Variants in SLC44A4 observed in about 807,000 individuals in gnomAD.
The protein encoded by SLC44A4 is solute carrier family 44 member 4.
In SLC44A4, 74 loss-of-function variants were observed where a neutral mutation model predicts 97.0. The observed-to-expected ratio is 0.76, with a 90% CI of 0.63 to 0.93. The LOEUF (loss-of-function observed/expected upper bound fraction) is 0.93, where lower values mean the gene tolerates loss of function less well. Among genes scored for constraint, SLC44A4 ranks in the 40% least tolerant of loss-of-function variants. The probability of loss-of-function intolerance (pLI) is 0.00; values close to 1 mark genes in which losing one functional copy is unlikely to be tolerated. For missense variants in SLC44A4, 799 were observed against 902.9 expected, an observed-to-expected ratio of 0.88 and a Z score of 1.48; for synonymous variants, 325 against 363.8, an observed-to-expected ratio of 0.89 and a Z score of 1.21.
chr6:31,867,722 TAAAAAAGAAAA>T (rs1309934341), intron 13 of SLC44A4, among the ~76,000 whole-genome samples: 2 of 147,016 alleles, frequency 1.4e-5, no homozygotes, highest in Admixed American at 6.8e-5. Flanking sequence ...TTTTTTTCAT[TAAAAAAGAAAA>T]AAAAAAGAAA....
Position 31,874,773 on chromosome 6 carries a change from A to G in SLC44A4, c.416T>C (p.Val139Ala). ...AAAGTTCCTGTTTTTTGTATAGAAG[A>G]CTTCCCCAACAGTCTGTGAGAACTC... is the stretch of plus-strand genomic sequence containing the variant. ...KNEFSQTVGE[V>A]FYTKNRNFCL... Residue 139 changes from valine (V) to alanine (A), a missense_variant, in exon 6 of 21, where the codon GTC (valine) becomes GCC (alanine). Val to Ala is a moderately conservative substitution (Grantham distance 64). This residue lies in a region of SLC44A4 where 409 missense variants were observed against 434.1 expected (regional missense o/e 0.94). Transcript: ENST00000229729. This position sits in a 1 kb window ranked among gnomAD's most constrained non-coding sequence, Gnocchi z 4.8. The G allele has an allele frequency of 6.2e-7, 1 of 1,613,926 alleles. No homozygotes were observed. Among genetic ancestry groups the G allele is most frequent in the East Asian group, 2.2e-5 (1 of 44,884 alleles).
At chr6:31,871,645 C>G in intron 7 of SLC44A4, 84 bp from the exon 8 acceptor site, 2 of 1,041,216 alleles carry the variant, frequency 1.9e-6, no homozygotes, top group Non-Finnish European at 3.0e-6. Context: ...CCACAGTGCC[C>G]TTAGGGGAGG....
chr6:31,874,576 GTC>G lies in SLC44A4; in HGVS notation c.469-58_469-57del. 1 of 1,590,540 alleles carries G rather than the reference GTC, an allele frequency of 6.3e-7. No homozygotes were observed. The highest frequency in any genetic ancestry group is 8.6e-7 in the Non-Finnish European group (1 of 1,167,318). On this transcript the variant is annotated intron_variant, in intron 6 of 20. Coordinates refer to ENST00000229729, the MANE Select transcript of SLC44A4 (RefSeq NM_025257.3). The surrounding 1 kb of genome is among the most constrained non-coding windows in gnomAD (Gnocchi z 4.8). ...GACACAGAGCAGGATGAAGAAGCAG[GTC>G]CCCTCACCACCACCATGGGGCTCAG...
In SLC44A4 at chr6:31,877,029, C is replaced by A. The variant is rs748071311; in HGVS notation, c.89+5G>T. 5.0e-6 allele frequency: 8 copies of A among 1,607,486 alleles called. No individual in the cohort carries two copies. Among genetic ancestry groups the A allele is most frequent in the Non-Finnish European group, 5.9e-6 (7 of 1,177,690 alleles). On this transcript the variant is annotated splice_donor_5th_base_variant and intron_variant, in intron 2 of 20. Transcript: ENST00000229729. The surrounding 1 kb of genome is among the most constrained non-coding windows in gnomAD (Gnocchi z 6.5). ...CCAGCCCCCGGAGCAGTGCCCAGAG[C>A]TCACCTGTTCTTGATGGGGCCTCGA...
rs950629713 is a variant in SLC44A4, at chr6:31,865,398, G to A, written c.1687-10C>T. 2.5e-6 allele frequency: 4 copies of A among 1,613,976 alleles called. No individual in the cohort carries two copies. The African/African-American group carries it at 5.3e-5, about 22-fold the overall frequency. On this transcript the variant is annotated splice_polypyrimidine_tract_variant and intron_variant, in intron 16 of 20. Transcript: ENST00000229729. This position sits in a 1 kb window ranked among gnomAD's most constrained non-coding sequence, Gnocchi z 5.2. Reference sequence around the variant, plus strand: ...TCCCGTAGATGGCGATCTGAGGGAGGTGGAAAGGTCAGAGTTACCAAGGCG... The same window carrying A: ...TCCCGTAGATGGCGATCTGAGGGAGATGGAAAGGTCAGAGTTACCAAGGCG...
Position 31,864,800 on chromosome 6 carries a change from G to C in SLC44A4, c.1926+16C>G. ...GGGGAGTTGGGGGTGGAGCAGCAGA[G>C]AGGGGAGTCACTCACCATGATGGGC... On this transcript the variant is annotated intron_variant, in intron 19 of 20. Coordinates refer to ENST00000229729, the MANE Select transcript of SLC44A4 (RefSeq NM_025257.3). 1 of 1,613,882 alleles carries C rather than the reference G, an allele frequency of 6.2e-7. No individual in the cohort carries two copies. Among genetic ancestry groups the C allele is most frequent in the Non-Finnish European group, 8.5e-7 (1 of 1,179,790 alleles).
chr6:31,872,101 C>G (rs1763208929), intron 7 of SLC44A4, among the ~76,000 whole-genome samples: 1 of 152,180 alleles, frequency 6.6e-6, no homozygotes, highest in African/African-American at 2.4e-5. Flanking sequence ...CTCCATCTCA[C>G]CTCCTCCAGG....
Position 31,864,740 on chromosome 6 carries a change from G to C in SLC44A4, c.1927-4C>G, listed in dbSNP as rs760877225. ...CATAGGCCCCCAGGATGGAGGTCTGGAAGACATGACCCGTTGGGGTTATTG... is the reference window on the plus strand; with the variant it reads ...CATAGGCCCCCAGGATGGAGGTCTGCAAGACATGACCCGTTGGGGTTATTG... On this transcript the variant is annotated splice_polypyrimidine_tract_variant and splice_region_variant and intron_variant, in intron 19 of 20. Transcript: ENST00000229729. 4 of 1,614,176 alleles carry C rather than the reference G, an allele frequency of 2.5e-6. No individual in the cohort carries two copies. The highest frequency in any genetic ancestry group is 2.5e-6 in the Non-Finnish European group (3 of 1,180,030).
Position 31,865,441 on chromosome 6 carries a change from T to A in SLC44A4, c.1687-53A>T. The A allele has an allele frequency of 6.2e-7, 1 of 1,612,046 alleles. No homozygotes were observed. Among genetic ancestry groups the A allele is most frequent in the African/African-American group, 1.3e-5 (1 of 74,980 alleles). On this transcript the variant is annotated intron_variant, in intron 16 of 20. Transcript: ENST00000229729. The surrounding 1 kb of genome is among the most constrained non-coding windows in gnomAD (Gnocchi z 5.2). ...CCAAGGCGAGCTGCCTGGACCAGGATGGGGGTGTCTAGACCAAAGGGCACC... is the reference window on the plus strand; with the variant it reads ...CCAAGGCGAGCTGCCTGGACCAGGAAGGGGGTGTCTAGACCAAAGGGCACC...
rs1763014712 is a variant in SLC44A4, at chr6:31,869,194, G to T, written c.1194C>A (p.Gly398=). Residue 398 remains glycine (G), a synonymous_variant, in exon 13 of 21, where the codon GGC becomes GGA. Coordinates refer to ENST00000229729, the MANE Select transcript of SLC44A4 (RefSeq NM_025257.3). ...ATGTATTTATTGGCACTTTCTCACA[G>T]CCGGGGGAGCTGATGTTGGATGCCC... The part of the protein sequence containing the change: ...VLWASNISSP[G]CEKVPINTSC... The T allele has an allele frequency of 6.2e-7, 1 of 1,610,868 alleles. No homozygotes were observed. The highest frequency in any genetic ancestry group is 1.1e-5 in the South Asian group (1 of 90,640).
chr6:31,875,050 G>T, intron 4 of SLC44A4, 22 bp from the exon 5 acceptor site: 4 of 1,584,316 alleles, frequency 2.5e-6, no homozygotes, highest in Non-Finnish European at 3.5e-6. Flanking sequence ...GAGGGACCAT[G>T]TGCATCAGGG....
In SLC44A4 at chr6:31,877,599, CA is replaced by C. The variant is rs911994453; in HGVS notation, c.41-518del. On this transcript the variant is annotated intron_variant, in intron 1 of 20. Transcript: ENST00000229729. This position sits in a 1 kb window ranked among gnomAD's most constrained non-coding sequence, Gnocchi z 6.5. ...AGGCTATGGGGAAAGAAACTGGAGA[CA>C]AAGGTGTCAACCCCAGCAGGGCCTG... is the stretch of plus-strand genomic sequence containing the variant. The C allele has an allele frequency of 2.1e-5, 21 of 988,068 alleles. No individual in the cohort carries two copies. Among genetic ancestry groups the C allele is most frequent in the Non-Finnish European group, 2.5e-5 (21 of 831,674 alleles). 61.2% of individuals were successfully genotyped at this position (988,068 alleles called of 1,614,324 possible). A position where few individuals can be genotyped will look rare whatever the true frequency, so the allele number is the denominator to read the frequency against.
intron 20 of SLC44A4, 55 bp downstream of exon 20, chr6:31,864,597 C>T: frequency 1.4e-6 from 2 of 1,462,842 alleles, no homozygotes; most frequent in Middle Eastern, 2.1e-4. Flanking sequence ...AAAAAAAATG[C>T]TTGAACGGCT....
Position 31,874,979 on chromosome 6 carries a change from T to C in SLC44A4, c.292A>G (p.Ser98Gly). Residue 98 changes from serine (S) to glycine (G), a missense_variant, in exon 5 of 21, where the codon AGC becomes GGC. By Grantham distance (56) the Ser-to-Gly change is moderately conservative. Around this residue, in one of 3 missense-constraint regions of SLC44A4, gnomAD observed 409 missense variants for 434.1 expected, o/e 0.94. Coordinates refer to ENST00000229729, the MANE Select transcript of SLC44A4 (RefSeq NM_025257.3). This position sits in a 1 kb window ranked among gnomAD's most constrained non-coding sequence, Gnocchi z 4.8. ...YFNIFSCILSSNIISVAENGL... is the reference protein window; with the variant it reads ...YFNIFSCILSGNIISVAENGL... ...TTCTCAGCAACTGAGATGATGTTGCTGGACAGGATGCAGCTGAAGATGTTG... is the reference window on the plus strand; with the variant it reads ...TTCTCAGCAACTGAGATGATGTTGCCGGACAGGATGCAGCTGAAGATGTTG... The C allele has an allele frequency of 3.7e-6, 6 of 1,613,232 alleles. No homozygotes were observed. The highest frequency in any genetic ancestry group is 5.1e-6 in the Non-Finnish European group (6 of 1,179,964).
rs1581833772 is a variant in SLC44A4, at chr6:31,865,382, T to C, written c.1693A>G (p.Ile565Val). 2.5e-6 allele frequency: 4 copies of C among 1,614,040 alleles called. No homozygotes were observed. Among genetic ancestry groups the C allele is most frequent in the Non-Finnish European group, 3.4e-6 (4 of 1,180,022 alleles). ...GAGACACAGAAATTCTTCCCGTAGATGGCGATCTGAGGGAGGTGGAAAGGT... is the reference window on the plus strand; with the variant it reads ...GAGACACAGAAATTCTTCCCGTAGACGGCGATCTGAGGGAGGTGGAAAGGT... Reference protein sequence around the residue: ...LNRNAYIMIAIYGKNFCVSAK... With the variant: ...LNRNAYIMIAVYGKNFCVSAK... The change falls in exon 17 of 21, where the codon ATC (isoleucine) becomes GTC (valine). Residue 565 changes from isoleucine (I) to valine (V), a missense_variant. By Grantham distance (29) the Ile-to-Val change is conservative (BLOSUM62 3). Coordinates refer to ENST00000229729, the MANE Select transcript of SLC44A4 (RefSeq NM_025257.3). This position sits in a 1 kb window ranked among gnomAD's most constrained non-coding sequence, Gnocchi z 5.2.
Position 31,874,898 on chromosome 6 carries a change from T to C in SLC44A4, c.342+31A>G, listed in dbSNP as rs1367942628. On this transcript the variant is annotated intron_variant, in intron 5 of 20. Coordinates refer to ENST00000229729, the MANE Select transcript of SLC44A4 (RefSeq NM_025257.3). This position sits in a 1 kb window ranked among gnomAD's most constrained non-coding sequence, Gnocchi z 4.8. ...CTGGAACCTGAGACCCTGGGTGAGA[T>C]CTGGGGTAGAGGCAGGTCCCAGGCT... The C allele has an allele frequency of 1.9e-6, 3 of 1,613,560 alleles. No homozygotes were observed. The highest frequency in any genetic ancestry group is 2.5e-6 in the Non-Finnish European group (3 of 1,179,832).
chr6:31,878,902 C>T lies in SLC44A4; in HGVS notation c.40+39G>A. ...ACCATTCCCAAAGTACCCGTCCTCC[C>T]CTCCCTCCACAGGGTCCCGGGCCTC... On this transcript the variant is annotated intron_variant, in intron 1 of 20. Coordinates refer to ENST00000229729, the MANE Select transcript of SLC44A4 (RefSeq NM_025257.3). This position sits in a 1 kb window ranked among gnomAD's most constrained non-coding sequence, Gnocchi z 4.0. The T allele has an allele frequency of 6.2e-7, 1 of 1,609,170 alleles. No homozygotes were observed. The highest frequency in any genetic ancestry group is 8.5e-7 in the Non-Finnish European group (1 of 1,175,600).
chr6:31,864,091 T>C (rs1007649001), intron 20 of SLC44A4, among the ~76,000 whole-genome samples: 1 of 151,860 alleles, frequency 6.6e-6, no homozygotes, highest in African/African-American at 2.4e-5. Flanking sequence ...TTTTTCTTTG[T>C]TTTGAGACGG....
chr6:31,864,870 C>T lies in SLC44A4; in HGVS notation c.1872G>A (p.Gly624=), dbSNP rs750279926. The change falls in exon 19 of 21, where the codon GGG becomes GGA. Residue 624 remains glycine (G), a synonymous_variant. Transcript: ENST00000229729. The stretch of plus-strand genomic sequence containing the variant: ...GGGGGCTCTTAAAGTCTTTACCCAG[C>T]CCCGGGATGCGACCGGAGAAAAAAA... ...SFFFFSGRIP[G]LGKDFKSPHL... 3.3e-5 allele frequency: 53 copies of T among 1,614,034 alleles called. No homozygotes were observed. The highest frequency in any genetic ancestry group is 4.2e-5 in the Non-Finnish European group (50 of 1,179,998).
Sources: allele counts gnomAD v4.1 joint callset (sites outside exome capture counted in the v4.1 genomes callset), GRCh38; gene constraint gnomAD v4.1.1; regional missense constraint gnomAD v4.1.1; non-coding constraint Gnocchi (gnomAD v3.1); transcripts MANE v1.5; gene names NCBI Gene and HGNC (gene_info 2026-07-23, HGNC 2026-07-21).